The following DDX10 variants were observed in gnomAD, a reference collection of about 807,000 sequenced individuals.
DDX10 encodes the protein DEAD-box helicase 10.
Under a neutral mutation model 104.3 loss-of-function variants are expected in DDX10, and 74 were observed. The ratio of observed to expected loss-of-function variants is 0.71; its 90% CI spans 0.59 to 0.86. DDX10 has a LOEUF of 0.86. Ranked by LOEUF, DDX10 falls within the 40% of genes least tolerant of loss-of-function variation. The probability of loss-of-function intolerance (pLI) is 0.00; values close to 1 mark genes in which losing one functional copy is unlikely to be tolerated. For missense variants in DDX10, 952 were observed against 1,040.0 expected, an observed-to-expected ratio of 0.92 and a Z score of 1.16; for synonymous variants, 351 against 353.4, an observed-to-expected ratio of 0.99 and a Z score of 0.08.
At chr11:108,819,642 AG>A (rs1862299496) in intron 13 of DDX10, among the ~76,000 whole-genome samples, 1 of 152,030 alleles carries the variant, frequency 6.6e-6, no homozygotes, top group African/African-American at 2.4e-5. Context: ...TCTGTCACCC[AG>A]GCTGGAGTGC....
intron 1 of DDX10, among the ~76,000 whole-genome samples, chr11:108,667,218 T>C (rs116818941): frequency 0.011 from 1,698 of 152,330 alleles, 27 homozygotes; most frequent in African/African-American, 0.039. Context: ...AAAGCTGCCA[T>C]AGAAATACTT....
At chr11:108,801,383 A>T (rs1379411806) in intron 13 of DDX10, among the ~76,000 whole-genome samples, 1 of 152,104 alleles carries the variant, frequency 6.6e-6, no homozygotes, top group African/African-American at 2.4e-5. Context: ...GTACTTTTTG[A>T]GTATGTTTTG....
chr11:108,790,475 C>G (rs925680790), intron 13 of DDX10, among the ~76,000 whole-genome samples: 1 of 152,202 alleles, frequency 6.6e-6, no homozygotes, highest in Non-Finnish European at 1.5e-5. Context: ...AACTCTTTAT[C>G]AAAATTGATT....
chr11:108,764,909 A>G (rs2094354655), intron 13 of DDX10, among the ~76,000 whole-genome samples: 1 of 152,228 alleles, frequency 6.6e-6, no homozygotes, highest in African/African-American at 2.4e-5. Context: ...ATAAAATTAA[A>G]ACTTCGGAAT....
chr11:108,770,235 C>T (rs2094361257), intron 13 of DDX10, among the ~76,000 whole-genome samples: 1 of 152,136 alleles, frequency 6.6e-6, no homozygotes, highest in African/African-American at 2.4e-5. Flanking sequence ...GAATTTAACA[C>T]ATTATGGAGA....
At chr11:108,861,127 T>C (rs1862936005) in intron 16 of DDX10, among the ~76,000 whole-genome samples, 1 of 150,824 alleles carries the variant, frequency 6.6e-6, no homozygotes, top group Non-Finnish European at 1.5e-5. Flanking sequence ...AGGCGCAATC[T>C]AATCAGCTGC....
intron 9 of DDX10, among the ~76,000 whole-genome samples, chr11:108,695,947 A>G (rs1411413521): frequency 6.6e-6 from 1 of 152,184 alleles, no homozygotes; most frequent in Non-Finnish European, 1.5e-5. Flanking sequence ...GTTCAAAAAT[A>G]AGTCTTTTAA....
intron 13 of DDX10, among the ~76,000 whole-genome samples, chr11:108,835,536 C>T (rs752402902): frequency 1.3e-5 from 2 of 152,020 alleles, no homozygotes; most frequent in African/African-American, 2.4e-5. Context: ...TTGGACAAAA[C>T]GCACAAAATA....
intron 13 of DDX10, among the ~76,000 whole-genome samples, chr11:108,756,735 G>C (rs1402700030): frequency 1.3e-5 from 2 of 152,038 alleles, no homozygotes; most frequent in African/African-American, 4.8e-5. Context: ...AAATAAGGTA[G>C]TGTTCTCATG....
rs542987609 is a variant in DDX10, at chr11:108,677,100, T to A, written c.394T>A (p.Tyr132Asn). 34 of 1,611,670 alleles carry A rather than the reference T, an allele frequency of 2.1e-5. No homozygotes were observed. In the South Asian group the frequency reaches 2.6e-4, roughly 13 times the overall value. Residue 132 changes from tyrosine to asparagine, a missense_variant, in exon 4 of 18, where the codon TAT becomes AAT. Around this residue, in one of 3 missense-constraint regions of DDX10, gnomAD observed 412 missense variants for 479.2 expected, o/e 0.86. Transcript: ENST00000322536. ...TCTTTTTGAGGTGCTGGAAGCCTTA[T>A]ATCGTCTGCAATGGACTTCAACAGA... ...AFLVPVLEAL[Y>N]RLQWTSTDGL...
At chr11:108,778,486 G>T (rs1401266289) in intron 13 of DDX10, among the ~76,000 whole-genome samples, 1 of 152,190 alleles carries the variant, frequency 6.6e-6, no homozygotes, top group Non-Finnish European at 1.5e-5. Context: ...AAACTGGCTA[G>T]CCATATGTAG....
At chr11:108,823,006 C>T (rs1183955217) in intron 13 of DDX10, among the ~76,000 whole-genome samples, 1 of 152,202 alleles carries the variant, frequency 6.6e-6, no homozygotes, top group East Asian at 1.9e-4. Flanking sequence ...TTTGCTGATA[C>T]TGTCTATGTG....
chr11:108,758,283 T>G (rs921273483), intron 13 of DDX10, among the ~76,000 whole-genome samples: 10 of 152,094 alleles, frequency 6.6e-5, no homozygotes, highest in Admixed American at 5.3e-4. Context: ...TTTTAGAATC[T>G]ATACCATCTC....
intron 13 of DDX10, among the ~76,000 whole-genome samples, chr11:108,737,519 A>C (rs1270959403): frequency 6.6e-6 from 1 of 152,216 alleles, no homozygotes; most frequent in Non-Finnish European, 1.5e-5. Flanking sequence ...CATGGTAGTG[A>C]TTCTTAGGGT....
rs370844283 is a variant in DDX10 at position 108,937,393 on chromosome 11, G to A, written c.2451-2853G>A. Among the ~76,000 whole-genome samples the A allele has an allele frequency of 1.2e-3, 178 of 152,168 alleles. 1 individual carries two copies. Among genetic ancestry groups the A allele is most frequent in the African/African-American group, 4.2e-3 (174 of 41,514 alleles). On this transcript the variant is annotated intron_variant, in intron 17 of 17. Transcript: ENST00000322536. ...TATTAAAAAATCGGTTCAATTTCTC[G>A]GATTATTTTGATGTTTGGGGTTTCA...
chr11:108,743,558 A>G (rs2094327872), intron 13 of DDX10, among the ~76,000 whole-genome samples: 1 of 152,172 alleles, frequency 6.6e-6, no homozygotes, highest in Non-Finnish European at 1.5e-5. Context: ...AACTTATTGT[A>G]TTGAACTATT....
chr11:108,879,263 G>GA (rs1863195224), intron 16 of DDX10, among the ~76,000 whole-genome samples: 2 of 152,126 alleles, frequency 1.3e-5, no homozygotes, highest in South Asian at 4.1e-4. Flanking sequence ...GCCTCCCAAA[G>GA]TGCTGAGATT....
intron 16 of DDX10, among the ~76,000 whole-genome samples, chr11:108,874,260 T>G (rs1185956419): frequency 6.6e-6 from 1 of 152,188 alleles, no homozygotes; most frequent in African/African-American, 2.4e-5. Context: ...AAAAATTGCA[T>G]GACAATTAGA....
intron 16 of DDX10, among the ~76,000 whole-genome samples, chr11:108,859,448 T>TA (rs11384911): frequency 0.71 from 107,306 of 150,472 alleles, 39,430 homozygotes; most frequent in Non-Finnish European, 0.79. Flanking sequence ...GAGTAAGGTG[T>TA]AAAAAAAAAG....
Sources: gnomAD v4.1 joint callset for allele counts (sites outside exome capture counted in the v4.1 genomes callset) on GRCh38, gnomAD v4.1.1 for gene constraint, gnomAD v4.1.1 regional missense constraint, MANE v1.5 for transcripts, NCBI Gene and HGNC (gene_info 2026-07-23, HGNC 2026-07-21) for gene names.